The following ZNHIT6 variants were observed in gnomAD, a reference collection of about 807,000 sequenced individuals.
ZNHIT6 encodes box C/D snoRNA protein 1.
ZNHIT6 carries 45 observed loss-of-function variants against 57.2 expected under a neutral mutation model. The observed-to-expected ratio is 0.79, with a 90% CI of 0.62 to 1.01. ZNHIT6 has a LOEUF of 1.01. Ranked by LOEUF, ZNHIT6 falls within the 50% of genes least tolerant of loss-of-function variation. The pLI is 0.00. For missense variants in ZNHIT6, 528 were observed against 567.3 expected, an observed-to-expected ratio of 0.93 and a Z score of 0.70; for synonymous variants, 188 against 190.0, an observed-to-expected ratio of 0.99 and a Z score of 0.09.
At chr1:85,698,874 A>G (rs918554818) in intron 5 of ZNHIT6, among the ~76,000 whole-genome samples, 1 of 152,124 alleles carries the variant, frequency 6.6e-6, no homozygotes, top group Non-Finnish European at 1.5e-5. Context: ...ATATACAGTA[A>G]ATGTGGCATA....
chr1:85,679,924 G>C (rs942986092), intron 6 of ZNHIT6, among the ~76,000 whole-genome samples: 1 of 152,186 alleles, frequency 6.6e-6, no homozygotes, highest in South Asian at 2.1e-4. Context: ...AATGTTTATA[G>C]GCTGGATGCG....
At chr1:85,707,483 C>T (rs1403292940) in intron 1 of ZNHIT6, 146 bp downstream of exon 1, 5 of 787,946 alleles carry the variant, frequency 6.3e-6, no homozygotes, top group Admixed American at 3.1e-5. Context: ...TCCCAACCCA[C>T]CCCCGCGAAC....
At position 85,708,312 on chromosome 1, in the gene ZNHIT6, C is replaced by T; in HGVS notation, c.-28G>A. ...ACTCACGATCCTTGGCCTCTGCTGCCACTCTATCCTTCAATGTGGCTGCTG... is the reference window on the plus strand; with the variant it reads ...ACTCACGATCCTTGGCCTCTGCTGCTACTCTATCCTTCAATGTGGCTGCTG... On this transcript the variant is annotated 5_prime_UTR_variant, in exon 1 of 10. Transcript: ENST00000370574. 6.4e-7 allele frequency: 1 copy of T among 1,567,066 alleles called. No homozygotes were observed. The highest frequency in any genetic ancestry group is 1.2e-5 in the South Asian group (1 of 86,072).
chr1:85,707,010 C>T (rs531792953), intron 1 of ZNHIT6, among the ~76,000 whole-genome samples: 37 of 152,236 alleles, frequency 2.4e-4, no homozygotes, highest in Middle Eastern at 3.4e-3. Flanking sequence ...GCCATGTAAC[C>T]CATCATCTGT....
chr1:85,672,292 T>A (rs1661577202), intron 8 of ZNHIT6, among the ~76,000 whole-genome samples: 1 of 152,182 alleles, frequency 6.6e-6, no homozygotes, highest in Admixed American at 6.5e-5. Context: ...ACTGCTTTTT[T>A]TTTGCTAGAT....
At chr1:85,687,220 T>C (rs1027303667) in intron 5 of ZNHIT6, among the ~76,000 whole-genome samples, 1 of 139,116 alleles carries the variant, frequency 7.2e-6, no homozygotes, top group Non-Finnish European at 1.5e-5. Context: ...GTGGAGGCTG[T>C]AGTGAACTGA....
intron 8 of ZNHIT6, among the ~76,000 whole-genome samples, chr1:85,675,740 T>C (rs775195251): frequency 2.2e-4 from 33 of 152,226 alleles, no homozygotes; most frequent in Non-Finnish European, 4.0e-4. Flanking sequence ...CTGTTTAGTG[T>C]AGCCACCTTC....
chr1:85,689,020 G>T (rs1662141348), intron 5 of ZNHIT6, among the ~76,000 whole-genome samples: 1 of 152,100 alleles, frequency 6.6e-6, no homozygotes. Flanking sequence ...TGATACAAGG[G>T]ATTGATACAA....
intron 6 of ZNHIT6, among the ~76,000 whole-genome samples, chr1:85,679,799 G>A (rs1661818473): frequency 6.6e-6 from 1 of 151,928 alleles, no homozygotes; most frequent in Non-Finnish European, 1.5e-5. Context: ...TGGCCAAGCT[G>A]GTCTCTAACT....
chr1:85,652,931 C>T lies in ZNHIT6; in HGVS notation c.*1127G>A, dbSNP rs772985530. 2.6e-5 allele frequency: 4 copies of T among 151,982 alleles called. No individual in the cohort carries two copies. The highest frequency in any genetic ancestry group is 6.6e-5 in the Admixed American group (1 of 15,260). 9.4% of individuals were successfully genotyped at this position (151,982 alleles called of 1,614,324 possible). Reference sequence around the variant, plus strand: ...CAAACTGTATACAGAGCTGCCATAACGTATAAGTTAAGCCATGTATATACA... The same window carrying T: ...CAAACTGTATACAGAGCTGCCATAATGTATAAGTTAAGCCATGTATATACA... On this transcript the variant is annotated 3_prime_UTR_variant, in exon 10 of 10. Transcript: ENST00000370574.
Position 85,680,856 on chromosome 1 carries a change from T to C in ZNHIT6, c.1068A>G (p.Gln356=). 5 of 1,612,904 alleles carry C rather than the reference T, an allele frequency of 3.1e-6. No individual in the cohort carries two copies. The highest frequency in any genetic ancestry group is 3.4e-6 in the Non-Finnish European group (4 of 1,179,486). ...GATACCTTTTTTCTATGTACTCAGC[T>C]TGACTTTGAGGAAACTGGAGCTTCA... ...WHVKLQFPQS[Q]AEYIEKRVPD... The change falls in exon 6 of 10, where the codon CAA becomes CAG. Residue 356 remains glutamine (Q), a synonymous_variant. Coordinates refer to ENST00000370574, the MANE Select transcript of ZNHIT6 (RefSeq NM_017953.4).
intron 8 of ZNHIT6, among the ~76,000 whole-genome samples, chr1:85,666,644 A>G (rs1053331465): frequency 2.0e-5 from 3 of 152,164 alleles, no homozygotes; most frequent in Middle Eastern, 3.2e-3. Context: ...GCTGAGCTTC[A>G]GCTTTCTTAA....
rs2100638034 is a variant in ZNHIT6, at chr1:85,651,964, G to C, written c.*2094C>G. 6.6e-6 allele frequency: 1 copy of C among 152,210 alleles called. No individual in the cohort carries two copies. Among genetic ancestry groups the C allele is most frequent in the East Asian group, 1.9e-4 (1 of 5,186 alleles). 9.4% of individuals were successfully genotyped at this position (152,210 alleles called of 1,614,324 possible). ...AATGAGTTGATAATTATATTTAGGGGAATTCTAAGAGTTATATTCTTTCCT... is the reference window on the plus strand; with the variant it reads ...AATGAGTTGATAATTATATTTAGGGCAATTCTAAGAGTTATATTCTTTCCT... On this transcript the variant is annotated 3_prime_UTR_variant, in exon 10 of 10. Coordinates refer to ENST00000370574, the MANE Select transcript of ZNHIT6 (RefSeq NM_017953.4).
In ZNHIT6 at chr1:85,697,627, G is replaced by A. The variant is rs1452902496; in HGVS notation, c.1019+4530C>T. On this transcript the variant is annotated intron_variant, in intron 5 of 9. Transcript: ENST00000370574. ...CTACTATAATTTCATAAATTTTAATGAATCCAGCCTCATCATTCTTTTTTC... is the reference window on the plus strand; with the variant it reads ...CTACTATAATTTCATAAATTTTAATAAATCCAGCCTCATCATTCTTTTTTC... Among the ~76,000 whole-genome samples the A allele has an allele frequency of 2.0e-5, 3 of 152,074 alleles. No individual in the cohort carries two copies. The East Asian group carries it at 5.8e-4, about 29-fold the overall frequency.
chr1:85,656,509 G>A lies in ZNHIT6; in HGVS notation c.1372+1338C>T, dbSNP rs914525967. ...GCTGTGTGTGCTGTTTATTTATACA[G>A]AAGATGTTTGCCCTAGCTACTAACC... is the stretch of plus-strand genomic sequence containing the variant. On this transcript the variant is annotated intron_variant, in intron 9 of 9. Coordinates refer to ENST00000370574, the MANE Select transcript of ZNHIT6 (RefSeq NM_017953.4). Among the ~76,000 whole-genome samples, 5 of 152,268 alleles carry A rather than the reference G, an allele frequency of 3.3e-5. No homozygotes were observed. In the East Asian group the frequency reaches 9.6e-4, roughly 29 times the overall value.
At chr1:85,685,563 CATA>C (rs1166478922) in intron 5 of ZNHIT6, among the ~76,000 whole-genome samples, 1 of 152,204 alleles carries the variant, frequency 6.6e-6, no homozygotes, top group Non-Finnish European at 1.5e-5. Flanking sequence ...AAATCTTCCA[CATA>C]ATGATTTGTG....
chr1:85,669,504 A>T (rs183256585), intron 8 of ZNHIT6, among the ~76,000 whole-genome samples: 200 of 152,328 alleles, frequency 1.3e-3, no homozygotes, highest in African/African-American at 4.7e-3. Flanking sequence ...GCATTCCAAA[A>T]TTATTAACTA....
chr1:85,696,758 T>A (rs1662382000), intron 5 of ZNHIT6, among the ~76,000 whole-genome samples: 1 of 152,202 alleles, frequency 6.6e-6, no homozygotes, highest in East Asian at 1.9e-4. Context: ...GAAAATGGCC[T>A]GGTTAATCCA....
At chr1:85,663,728 C>T (rs1282610403) in intron 8 of ZNHIT6, among the ~76,000 whole-genome samples, 4 of 152,188 alleles carry the variant, frequency 2.6e-5, no homozygotes, top group African/African-American at 9.7e-5. Flanking sequence ...TCTTGTAAGG[C>T]AGGTCTGGTG....
Sources: allele counts gnomAD v4.1 joint callset (sites outside exome capture counted in the v4.1 genomes callset), GRCh38; gene constraint gnomAD v4.1.1; transcripts MANE v1.5; gene names NCBI Gene and HGNC (gene_info 2026-07-23, HGNC 2026-07-21).